The following CDH8 variants were observed in gnomAD, a reference collection of about 807,000 sequenced individuals.
CDH8 encodes cadherin-8.
In CDH8, 17 loss-of-function variants were observed where a neutral mutation model predicts 68.1. The observed-to-expected ratio is 0.25, with a 90% confidence interval of 0.17 to 0.37. The LOEUF (loss-of-function observed/expected upper bound fraction) is 0.37, where lower values mean the gene tolerates loss of function less well. Among genes scored for constraint, CDH8 ranks in the 10% least tolerant of loss-of-function variants. The probability of loss-of-function intolerance (pLI) is 1.00; values close to 1 mark genes in which losing one functional copy is unlikely to be tolerated. For synonymous variants in CDH8, 372 were observed against 365.1 expected (o/e 1.02, Z -0.21); for missense variants, 763 against 999.3 (o/e 0.76, Z 3.19).
chr16:61,688,871 A>C (rs1316790735), intron 10 of CDH8, among the ~76,000 whole-genome samples: 1 of 152,014 alleles, frequency 6.6e-6, no homozygotes. Flanking sequence ...TCTCGAAGTC[A>C]TTGTATGCCT....
At position 61,923,498 on chromosome 16, in the gene CDH8, G is replaced by C. The variant is rs117253452; in HGVS notation, c.253-22025C>G. Among the ~76,000 whole-genome samples, 1,257 of 152,078 alleles carry C rather than the reference G, an allele frequency of 8.3e-3. 7 individuals carry two copies. The highest frequency in any genetic ancestry group is 0.014 in the Non-Finnish European group (931 of 67,958). Reference sequence around the variant, plus strand: ...ACAAAACATGGGTCTGAAAGCTTCAGTGTATGACCACAGGAAAGTCAAATT... The same window carrying C: ...ACAAAACATGGGTCTGAAAGCTTCACTGTATGACCACAGGAAAGTCAAATT... On this transcript the variant is annotated intron_variant, in intron 2 of 11. Coordinates refer to ENST00000577390, the MANE Select transcript of CDH8 (RefSeq NM_001796.5).
At position 61,952,395 on chromosome 16, in the gene CDH8, T is replaced by C. The variant is rs536037616; in HGVS notation, c.253-50922A>G. The stretch of plus-strand genomic sequence containing the variant: ...ATGGCATTTGTGTTGCTAAGTGTTA[T>C]AAAAGATAGGTATTGGGCATCATGT... On this transcript the variant is annotated intron_variant, in intron 2 of 11. Coordinates refer to ENST00000577390, the MANE Select transcript of CDH8 (RefSeq NM_001796.5). Among the ~76,000 whole-genome samples the C allele has an allele frequency of 2.0e-5, 3 of 152,294 alleles. No individual in the cohort carries two copies. The South Asian group carries it at 6.2e-4, about 32-fold the overall frequency.
intron 10 of CDH8, among the ~76,000 whole-genome samples, chr16:61,682,438 C>A (rs941709353): frequency 2.0e-5 from 3 of 151,898 alleles, no homozygotes; most frequent in Non-Finnish European, 4.4e-5. Flanking sequence ...TTTGCCAAAA[C>A]CTCAATATCC....
At chr16:61,892,164 C>T (rs1454324459) in intron 3 of CDH8, among the ~76,000 whole-genome samples, 2 of 152,100 alleles carry the variant, frequency 1.3e-5, no homozygotes, top group African/African-American at 2.4e-5. Context: ...ATCCATGTAA[C>T]CTGTAGTCAT....
chr16:61,647,469 T>G lies in CDH8; in HGVS notation c.*6139A>C, dbSNP rs557895715. 683 of 222,832 alleles carry G rather than the reference T, an allele frequency of 3.1e-3. 6 individuals carry two copies. Among genetic ancestry groups the G allele is most frequent in the Non-Finnish European group, 2.6e-3 (293 of 114,220 alleles). The allele number at this position is 222,832 out of a possible 1,614,324, so 13.8% of individuals were successfully genotyped here. ...TTAAAGCAGAGTAACGTTGGAAAGG[T>G]GGGGGGGGTGATCCCAGTGACTCCT... On this transcript the variant is annotated 3_prime_UTR_variant, in exon 12 of 12. Transcript: ENST00000577390.
intron 4 of CDH8, among the ~76,000 whole-genome samples, chr16:61,825,396 T>C (rs1278781423): frequency 6.6e-6 from 1 of 151,902 alleles, no homozygotes; most frequent in Non-Finnish European, 1.5e-5. Context: ...AAATATATTT[T>C]ATAATGTATA....
At chr16:61,759,369 A>T (rs941098517) in intron 8 of CDH8, among the ~76,000 whole-genome samples, 4 of 151,752 alleles carry the variant, frequency 2.6e-5, no homozygotes, top group African/African-American at 9.7e-5. Context: ...GAAGAGGAGG[A>T]GGAGGAAGAA....
At chr16:62,014,656 A>G (rs1901893601) in intron 2 of CDH8, among the ~76,000 whole-genome samples, 1 of 152,190 alleles carries the variant, frequency 6.6e-6, no homozygotes, top group African/African-American at 2.4e-5. Flanking sequence ...AGCACCACCC[A>G]AATGATTTCC....
At chr16:61,827,642 G>A (rs762690543) in intron 4 of CDH8, among the ~76,000 whole-genome samples, 6 of 151,808 alleles carry the variant, frequency 4.0e-5, no homozygotes, top group African/African-American at 9.7e-5. Flanking sequence ...TGAGTGAAGC[G>A]TCACAGTGGA....
At chr16:61,748,482 CAG>C (rs547756957) in intron 8 of CDH8, among the ~76,000 whole-genome samples, 1 of 151,902 alleles carries the variant, frequency 6.6e-6, no homozygotes, top group South Asian at 2.1e-4. Context: ...AACAAATAAA[CAG>C]AGTAAACACA....
At chr16:61,867,653 C>T (rs1313621402) in intron 3 of CDH8, among the ~76,000 whole-genome samples, 2 of 151,984 alleles carry the variant, frequency 1.3e-5, no homozygotes, top group Non-Finnish European at 2.9e-5. Flanking sequence ...TTTAAACAAC[C>T]CTTTCCACCA....
chr16:61,732,228 T>C (rs146293524), intron 8 of CDH8, among the ~76,000 whole-genome samples: 1,593 of 151,876 alleles, frequency 0.01, 30 homozygotes, highest in African/African-American at 0.037. Flanking sequence ...CCCAAATTTA[T>C]TGAGAAACAC....
At chr16:61,738,431 C>T (rs1959766266) in intron 8 of CDH8, among the ~76,000 whole-genome samples, 1 of 151,968 alleles carries the variant, frequency 6.6e-6, no homozygotes, top group African/African-American at 2.4e-5. Context: ...CTTTCTCCTC[C>T]TCACAAGAAT....
chr16:61,957,480 G>A (rs1597089275), intron 2 of CDH8, among the ~76,000 whole-genome samples: 3 of 152,248 alleles, frequency 2.0e-5, no homozygotes, highest in Middle Eastern at 6.8e-3. Context: ...ACTTCAAGAG[G>A]TTCCAAACTA....
intron 2 of CDH8, among the ~76,000 whole-genome samples, chr16:62,000,848 C>T (rs1028951646): frequency 6.6e-6 from 1 of 152,244 alleles, no homozygotes; most frequent in East Asian, 1.9e-4. Context: ...GTATTAGACA[C>T]TGTAGTAGTA....
chr16:61,789,879 C>T (rs903367028), intron 7 of CDH8, among the ~76,000 whole-genome samples: 9 of 151,968 alleles, frequency 5.9e-5, no homozygotes, highest in East Asian at 3.9e-4. Context: ...CAGCATGTTA[C>T]GTATGTCCAT....
intron 1 of CDH8, among the ~76,000 whole-genome samples, chr16:62,028,139 A>T (rs1902239429): frequency 7.1e-6 from 1 of 140,470 alleles, no homozygotes. Context: ...ATCTCGGCTC[A>T]CTGCAACCTC....
chr16:61,840,414 T>C (rs527677709), intron 4 of CDH8, among the ~76,000 whole-genome samples: 36 of 152,344 alleles, frequency 2.4e-4, no homozygotes, highest in Non-Finnish European at 2.4e-4. Context: ...ATGTGCATTC[T>C]AGTGGGATCA....
intron 10 of CDH8, among the ~76,000 whole-genome samples, chr16:61,685,212 A>T (rs1964084768): frequency 6.6e-6 from 1 of 151,636 alleles, no homozygotes; most frequent in Non-Finnish European, 1.5e-5. Context: ...TACAGATTTC[A>T]TCTTTGTTGG....
Sources: allele counts gnomAD v4.1 joint callset (sites outside exome capture counted in the v4.1 genomes callset), GRCh38; gene constraint gnomAD v4.1.1; transcripts MANE v1.5; gene names NCBI Gene and HGNC (gene_info 2026-07-23, HGNC 2026-07-21).